Variants in TRIM71 observed in about 807,000 individuals in gnomAD.
TRIM71 encodes tripartite motif containing 71.
In TRIM71, 9 loss-of-function variants were observed where a neutral mutation model predicts 61.2. That is an observed-to-expected ratio of 0.15 (90% CI 0.09 to 0.26). TRIM71 has a LOEUF of 0.26. Ranked by LOEUF, TRIM71 falls within the 10% of genes least tolerant of loss-of-function variation. The pLI, the probability that TRIM71 is intolerant of heterozygous loss-of-function variation, is 1.00. For synonymous variants in TRIM71, 645 were observed against 553.2 expected (o/e 1.17, Z -2.33); for missense variants, 998 against 1,238.7 (o/e 0.81, Z 2.92).
intron 2 of TRIM71, among the ~76,000 whole-genome samples, chr3:32,879,939 C>T (rs891726198): frequency 6.6e-6 from 1 of 151,482 alleles, no homozygotes; most frequent in Non-Finnish European, 1.5e-5. Flanking sequence ...CCAGCCTGGG[C>T]GACAGAGCAA....
In TRIM71 at chr3:32,818,646, C is replaced by G; in HGVS notation, c.566C>G (p.Ser189Trp). 1 of 1,472,550 alleles carries G rather than the reference C, an allele frequency of 6.8e-7. No homozygotes were observed. Among genetic ancestry groups the G allele is most frequent in the Non-Finnish European group, 8.9e-7 (1 of 1,121,450 alleles). 91.2% of individuals were successfully genotyped at this position (1,472,550 alleles called of 1,614,324 possible). A position where few individuals can be genotyped will look rare whatever the true frequency, so the allele number is the denominator to read the frequency against. Residue 189 changes from serine (S) to tryptophan (W), a missense_variant, in exon 1 of 4, where the codon TCG becomes TGG. Physicochemically the swap from Ser to Trp is radical, Grantham distance 177. Transcript: ENST00000383763. The part of the protein sequence containing the change: ...SAPGGPAASP[S>W]ALLLRRPHGC... ...CCCGGCGGCCCTGCCGCTTCCCCGT[C>G]GGCGCTGCTGCTCCGCCGTCCTCAC...
intron 1 of TRIM71, among the ~76,000 whole-genome samples, chr3:32,866,331 C>T (rs1471768035): frequency 6.6e-6 from 1 of 152,024 alleles, no homozygotes; most frequent in Non-Finnish European, 1.5e-5. Flanking sequence ...TCACTGCAAT[C>T]TCTGCCCCCT....
intron 2 of TRIM71, among the ~76,000 whole-genome samples, chr3:32,881,003 A>G (rs191947275): frequency 2.6e-5 from 4 of 151,910 alleles, no homozygotes; most frequent in African/African-American, 9.7e-5. Context: ...AGATGTGATG[A>G]AAATTTTATA....
intron 1 of TRIM71, among the ~76,000 whole-genome samples, chr3:32,871,168 C>T (rs1040480492): frequency 2.0e-5 from 3 of 152,072 alleles, no homozygotes; most frequent in African/African-American, 7.2e-5. Flanking sequence ...CAGTCAGGCC[C>T]CTTTTGTTTC....
chr3:32,883,122 C>G (rs1559550598), intron 2 of TRIM71, among the ~76,000 whole-genome samples: 1 of 152,228 alleles, frequency 6.6e-6, no homozygotes, highest in African/African-American at 2.4e-5. Flanking sequence ...CTCTCTTGCT[C>G]TCTCTCGCTT....
Position 32,818,516 on chromosome 3 carries a change from C to A in TRIM71, c.436C>A (p.His146Asn). The change falls in exon 1 of 4, where the codon CAC becomes AAC. Residue 146 changes from histidine (H) to asparagine (N), a missense_variant. His to Asn is a moderately conservative substitution (Grantham distance 68, BLOSUM62 1). This residue lies in a region of TRIM71 where 527 missense variants were observed against 427.8 expected (regional missense o/e 1.23). Transcript: ENST00000383763. Reference sequence around the variant, plus strand: ...CGGCGCTCCGGCGGGAGCGGGCGGCCACAGCAACCACCGGCACCACGCTCA... The same window carrying A: ...CGGCGCTCCGGCGGGAGCGGGCGGCAACAGCAACCACCGGCACCACGCTCA... ...RAGAPAGAGGHSNHRHHAHHA... is the reference protein window; with the variant it reads ...RAGAPAGAGGNSNHRHHAHHA... The A allele has an allele frequency of 7.1e-7, 1 of 1,413,254 alleles. No homozygotes were observed. Among genetic ancestry groups the A allele is most frequent in the Non-Finnish European group, 9.2e-7 (1 of 1,087,156 alleles). The allele number at this position is 1,413,254 out of a possible 1,614,324, so 87.5% of individuals were successfully genotyped here. A position where few individuals can be genotyped will look rare whatever the true frequency, so the allele number is the denominator to read the frequency against.
intron 1 of TRIM71, among the ~76,000 whole-genome samples, chr3:32,840,889 G>C (rs1046559333): frequency 6.6e-6 from 1 of 152,112 alleles, no homozygotes; most frequent in Admixed American, 6.6e-5. Context: ...CAGTCACCCC[G>C]GGCTGGTCTA....
In TRIM71 at chr3:32,855,990, TTTTA is replaced by T. The variant is rs36138060; in HGVS notation, c.853-17804_853-17801del. ...GAAGGTACCTAGTTTTCTCTAATAG[TTTTA>T]TTTATTTATTTATTTATTTATTTTT... On this transcript the variant is annotated intron_variant, in intron 1 of 3. Coordinates refer to ENST00000383763, the MANE Select transcript of TRIM71 (RefSeq NM_001039111.3). Among the ~76,000 whole-genome samples, 523 of 151,122 alleles carry T rather than the reference TTTTA, an allele frequency of 3.5e-3. 6 individuals carry two copies. Among genetic ancestry groups the T allele is most frequent in the African/African-American group, 9.3e-3 (387 of 41,402 alleles).
chr3:32,879,609 C>G (rs1223193033), intron 2 of TRIM71, among the ~76,000 whole-genome samples: 1 of 151,312 alleles, frequency 6.6e-6, no homozygotes, highest in Non-Finnish European at 1.5e-5. Flanking sequence ...ACAGTATGGG[C>G]TTTTGGAAAA....
intron 1 of TRIM71, among the ~76,000 whole-genome samples, chr3:32,865,419 G>A (rs75746811): frequency 0.017 from 2,575 of 152,218 alleles, 62 homozygotes; most frequent in East Asian, 0.12. Context: ...CTACATACAC[G>A]AGTTACACCA....
chr3:32,820,667 C>G (rs1696116851), intron 1 of TRIM71, among the ~76,000 whole-genome samples: 1 of 152,122 alleles, frequency 6.6e-6, no homozygotes, highest in Non-Finnish European at 1.5e-5. Context: ...AAAGATACAC[C>G]TATATTTTAT....
At chr3:32,889,692 G>A (rs998084146) in intron 3 of TRIM71, among the ~76,000 whole-genome samples, 9 of 151,470 alleles carry the variant, frequency 5.9e-5, no homozygotes, top group Non-Finnish European at 1.3e-4. Flanking sequence ...GGGTTCAAGC[G>A]ATTCTCCCCA....
chr3:32,837,536 G>A (rs969986600), intron 1 of TRIM71, among the ~76,000 whole-genome samples: 8 of 152,124 alleles, frequency 5.3e-5, no homozygotes, highest in Admixed American at 3.3e-4. Context: ...ACTTACTAAC[G>A]TCGCCGGGCG....
At chr3:32,883,311 G>A (rs537728921) in intron 2 of TRIM71, among the ~76,000 whole-genome samples, 3 of 152,158 alleles carry the variant, frequency 2.0e-5, no homozygotes, top group South Asian at 2.1e-4. Context: ...TTAGTTTATC[G>A]GGTCTGTTGT....
chr3:32,819,922 G>T lies in TRIM71; in HGVS notation c.852+990G>T, dbSNP rs553665024. 2.3e-3 allele frequency among the ~76,000 whole-genome samples: 357 copies of T among 152,354 alleles called. 1 individual carries two copies. Among genetic ancestry groups the T allele is most frequent in the African/African-American group, 8.0e-3 (333 of 41,574 alleles). On this transcript the variant is annotated intron_variant, in intron 1 of 3. Transcript: ENST00000383763. ...CATTGCAACCCTCGGGCTCGATTTC[G>T]CCCTTTGGGCTGTCGAGTAAACATT...
Position 32,831,536 on chromosome 3 carries a change from C to CTTTTTT in TRIM71, c.852+12619_852+12624dup, listed in dbSNP as rs71068093. Reference sequence around the variant, plus strand: ...AAATTAAATAATGTTGCTTATCTTCCTTTTTTTTTTTTTTTTTTTTGAGAC... The same window carrying CTTTTTT: ...AAATTAAATAATGTTGCTTATCTTCCTTTTTTTTTTTTTTTTTTTTTTTTTTGAGAC... On this transcript the variant is annotated intron_variant, in intron 1 of 3. Coordinates refer to ENST00000383763, the MANE Select transcript of TRIM71 (RefSeq NM_001039111.3). Among the ~76,000 whole-genome samples the CTTTTTT allele has an allele frequency of 4.3e-4, 42 of 96,688 alleles. 1 individual carries two copies. Among genetic ancestry groups the CTTTTTT allele is most frequent in the Non-Finnish European group, 7.0e-4 (34 of 48,400 alleles). 63.4% of individuals were successfully genotyped at this position (96,688 alleles called of 152,430 possible).
chr3:32,840,107 C>G (rs1696386863), intron 1 of TRIM71, among the ~76,000 whole-genome samples: 1 of 152,206 alleles, frequency 6.6e-6, no homozygotes, highest in South Asian at 2.1e-4. Flanking sequence ...CAAGCCTCCT[C>G]CAAAACAGGA....
intron 1 of TRIM71, among the ~76,000 whole-genome samples, chr3:32,873,100 C>T (rs935772785): frequency 2.9e-5 from 4 of 137,810 alleles, no homozygotes; most frequent in East Asian, 2.2e-4. Context: ...TCCCTCCCAG[C>T]GTGCTGGGCC....
chr3:32,821,921 C>T (rs1696139296), intron 1 of TRIM71, among the ~76,000 whole-genome samples: 1 of 152,074 alleles, frequency 6.6e-6, no homozygotes, highest in Non-Finnish European at 1.5e-5. Context: ...GTATTCACGG[C>T]CGCTCTGGTC....
Sources: allele counts gnomAD v4.1 joint callset (sites outside exome capture counted in the v4.1 genomes callset), GRCh38; gene constraint gnomAD v4.1.1; regional missense constraint gnomAD v4.1.1; transcripts MANE v1.5; gene names NCBI Gene and HGNC (gene_info 2026-07-23, HGNC 2026-07-21).